Variants in NEDD4 observed in about 807,000 individuals in gnomAD.
The protein encoded by NEDD4 is E3 ubiquitin-protein ligase NEDD4.
NEDD4 carries 99 observed loss-of-function variants against 144.9 expected under a neutral mutation model. That is an observed-to-expected ratio of 0.68 (90% CI 0.58 to 0.81). The LOEUF (loss-of-function observed/expected upper bound fraction) is 0.81, where lower values mean the gene tolerates loss of function less well. Ranked by LOEUF, NEDD4 falls within the 30% of genes least tolerant of loss-of-function variation. The pLI is 0.00. For missense variants in NEDD4, 985 were observed against 1,065.9 expected (o/e 0.92, Z 1.06); for synonymous variants, 318 against 350.6 (o/e 0.91, Z 1.04).
intron 2 of NEDD4, among the ~76,000 whole-genome samples, chr15:55,963,516 T>G (rs2142324418): frequency 6.6e-6 from 1 of 152,326 alleles, no homozygotes; most frequent in African/African-American, 2.4e-5. Flanking sequence ...TACTTAGTAT[T>G]GTACCATTCT....
At chr15:55,901,173 C>T (rs1279783360) in intron 5 of NEDD4, among the ~76,000 whole-genome samples, 1 of 151,984 alleles carries the variant, frequency 6.6e-6, no homozygotes, top group Non-Finnish European at 1.5e-5. Context: ...GAGTACCTAT[C>T]CCCTCAAGCA....
Position 55,842,024 on chromosome 15 carries a change from A to G in NEDD4, c.1748T>C (p.Leu583Ser). 1 of 1,614,196 alleles carries G rather than the reference A, an allele frequency of 6.2e-7. No individual in the cohort carries two copies. Among genetic ancestry groups the G allele is most frequent in the Non-Finnish European group, 8.5e-7 (1 of 1,180,026 alleles). The change falls in exon 19 of 29, where the codon TTG becomes TCG. Residue 583 changes from leucine (L) to serine (S), a missense_variant. Physicochemically the swap from Leu to Ser is moderately radical, Grantham distance 145. Coordinates refer to ENST00000435532, the MANE Select transcript of NEDD4 (RefSeq NM_006154.4). ...LWIEFDGEKG[L>S]DYGGVAREWF... The stretch of plus-strand genomic sequence containing the variant: ...TTCTCTGGCAACTCCTCCATAATCC[A>G]ATCCCTTTTCACCATCAAACTCAAT...
chr15:55,976,424 A>G (rs1469136629), intron 1 of NEDD4, among the ~76,000 whole-genome samples: 2 of 152,224 alleles, frequency 1.3e-5, no homozygotes, highest in Non-Finnish European at 2.9e-5. Flanking sequence ...ATCTGAATAG[A>G]TATTTCTCAA....
intron 5 of NEDD4, among the ~76,000 whole-genome samples, chr15:55,900,298 C>T (rs543313101): frequency 6.6e-6 from 1 of 152,198 alleles, no homozygotes; most frequent in South Asian, 2.1e-4. Context: ...GCCTGGGAAT[C>T]CCAGAAATAC....
At chr15:55,841,166 T>C (rs1360925257) in intron 19 of NEDD4, among the ~76,000 whole-genome samples, 1 of 152,320 alleles carries the variant, frequency 6.6e-6, no homozygotes, top group Admixed American at 6.5e-5. Context: ...ACTCCTGGCA[T>C]TGTGATCCAC....
Position 55,944,461 on chromosome 15 carries a change from G to A in NEDD4, c.237+6915C>T, listed in dbSNP as rs777914403. On this transcript the variant is annotated intron_variant, in intron 4 of 28. Coordinates refer to ENST00000435532, the MANE Select transcript of NEDD4 (RefSeq NM_006154.4). ...GGGGTGTCCACCATTGCTGAGGCTT[G>A]AGTAGGTAAACAAAGCAGCCGGGAA... Among the ~76,000 whole-genome samples, 2 of 152,162 alleles carry A rather than the reference G, an allele frequency of 1.3e-5. 1 individual carries two copies. The highest frequency in any genetic ancestry group is 3.9e-4 in the East Asian group (2 of 5,190).
chr15:55,948,743 C>T (rs1336786768), intron 4 of NEDD4, among the ~76,000 whole-genome samples: 5 of 152,200 alleles, frequency 3.3e-5, no homozygotes, highest in East Asian at 3.9e-4. Flanking sequence ...GGAAAACTGG[C>T]GAGCCATATG....
chr15:55,956,502 C>G (rs2037340318), intron 2 of NEDD4, among the ~76,000 whole-genome samples: 1 of 152,150 alleles, frequency 6.6e-6, no homozygotes, highest in Non-Finnish European at 1.5e-5. Flanking sequence ...TCTATACAGA[C>G]CAGTTGTTCT....
In NEDD4 at chr15:55,901,281, T is replaced by C. The variant is rs530178129; in HGVS notation, c.291+23365A>G. Reference sequence around the variant, plus strand: ...TCTACAATTTTATGTTTTACATTTATGAAATCGTCTCCATAAGTCAAAATT... The same window carrying C: ...TCTACAATTTTATGTTTTACATTTACGAAATCGTCTCCATAAGTCAAAATT... On this transcript the variant is annotated intron_variant, in intron 5 of 28. Transcript: ENST00000435532. 5.9e-5 allele frequency among the ~76,000 whole-genome samples: 9 copies of C among 152,294 alleles called. No homozygotes were observed. In the East Asian group the frequency reaches 1.7e-3, roughly 29 times the overall value.
chr15:55,908,242 G>T (rs554982768), intron 5 of NEDD4, among the ~76,000 whole-genome samples: 1 of 152,120 alleles, frequency 6.6e-6, no homozygotes, highest in African/African-American at 2.4e-5. Flanking sequence ...GTTCTCTATA[G>T]TAGGGAACTG....
At chr15:55,916,104 T>C in intron 5 of NEDD4, 3 of 1,613,986 alleles carry the variant, frequency 1.9e-6, no homozygotes, top group Non-Finnish European at 2.5e-6. Context: ...CTCTAATCCA[T>C]GTTCCAAGTC....
intron 4 of NEDD4, among the ~76,000 whole-genome samples, chr15:55,941,398 ACAAT>A (rs2037001267): frequency 6.6e-6 from 1 of 152,184 alleles, no homozygotes; most frequent in Admixed American, 6.5e-5. Context: ...TTATGCTTTA[ACAAT>A]CAATCAGTAA....
chr15:55,927,205 A>G (rs540597333), intron 4 of NEDD4, among the ~76,000 whole-genome samples: 1 of 152,222 alleles, frequency 6.6e-6, no homozygotes, highest in African/African-American at 2.4e-5. Context: ...GTTGGGAAGA[A>G]TTTAAATGAG....
At chr15:55,888,637 A>G (rs1015310069) in intron 5 of NEDD4, among the ~76,000 whole-genome samples, 2 of 152,222 alleles carry the variant, frequency 1.3e-5, no homozygotes, top group African/African-American at 4.8e-5. Context: ...AAATACCCAG[A>G]ATAGCCAGAG....
At position 55,849,878 on chromosome 15, in the gene NEDD4, C is replaced by T. The variant is rs577157487; in HGVS notation, c.1347+664G>A. 4.7e-3 allele frequency among the ~76,000 whole-genome samples: 719 copies of T among 151,548 alleles called. 8 individuals carry two copies. The highest frequency in any genetic ancestry group is 0.016 in the African/African-American group (681 of 41,328). On this transcript the variant is annotated intron_variant, in intron 14 of 28. Transcript: ENST00000435532. ...TGCGATCTTGGCTCACTGCAACCTC[C>T]GCCTCCTGGGTTCATGCCATTCTCT...
At chr15:55,916,379 A>G (rs1343742370) in intron 5 of NEDD4, 1 of 1,614,070 alleles carries the variant, frequency 6.2e-7, no homozygotes, top group Non-Finnish European at 8.5e-7. Flanking sequence ...AAAAGTTACT[A>G]AGGCTACCAC....
At chr15:55,959,443 C>T (rs572722852) in intron 2 of NEDD4, among the ~76,000 whole-genome samples, 1 of 152,116 alleles carries the variant, frequency 6.6e-6, no homozygotes. Flanking sequence ...ATTAACGTAC[C>T]ATGTGCATTT....
At position 55,915,930 on chromosome 15, in the gene NEDD4, A is replaced by G. The variant is rs745418424; in HGVS notation, c.291+8716T>C. 6.1e-5 allele frequency: 98 copies of G among 1,614,034 alleles called. 4 individuals are homozygous for G. The South Asian group carries it at 1.1e-3, about 18-fold the overall frequency. ...ATTATGTGCAATTTCACTAGGAGAA[A>G]TAATAAACTGGTGTGAAGTTTGATA... On this transcript the variant is annotated intron_variant, in intron 5 of 28. Coordinates refer to ENST00000435532, the MANE Select transcript of NEDD4 (RefSeq NM_006154.4).
chr15:55,909,138 C>T (rs539641617), intron 5 of NEDD4, among the ~76,000 whole-genome samples: 31 of 152,306 alleles, frequency 2.0e-4, no homozygotes, highest in African/African-American at 7.5e-4. Flanking sequence ...CACCAACAGA[C>T]ATCCTCGGGC....
Sources: allele counts gnomAD v4.1 joint callset (sites outside exome capture counted in the v4.1 genomes callset), GRCh38; gene constraint gnomAD v4.1.1; transcripts MANE v1.5; gene names NCBI Gene and HGNC (gene_info 2026-07-23, HGNC 2026-07-21).